The following MYO5B variants were observed in gnomAD, a reference collection of about 807,000 sequenced individuals.
MYO5B encodes myosin VB.
MYO5B carries 143 observed loss-of-function variants against 229.3 expected under a neutral mutation model. The ratio of observed to expected loss-of-function variants is 0.62; its 90% CI spans 0.54 to 0.72. MYO5B has a LOEUF of 0.72. Among genes scored for constraint, MYO5B ranks in the 30% least tolerant of loss-of-function variants. The pLI, the probability that MYO5B is intolerant of heterozygous loss-of-function variation, is 0.00. For synonymous variants in MYO5B, 918 were observed against 885.2 expected (o/e 1.04, Z -0.66); for missense variants, 2,321 against 2,331.0 (o/e 1.00, Z 0.09).
At chr18:49,833,660 G>T (rs577982514) in intron 39 of MYO5B, among the ~76,000 whole-genome samples, 1 of 152,180 alleles carries the variant, frequency 6.6e-6, no homozygotes, top group South Asian at 2.1e-4. Flanking sequence ...AGCAGTTATA[G>T]TTCTCCCTCT....
intron 2 of MYO5B, 38 bp downstream of exon 2, chr18:50,055,230 A>ACCCCCCC: frequency 1.2e-5 from 3 of 258,416 alleles, no homozygotes; most frequent in Non-Finnish European, 2.3e-5. Context: ...TCCCTGCCCC[A>ACCCCCCC]CCTCACCCCC....
At chr18:49,955,089 T>C (rs1474553931) in intron 12 of MYO5B, among the ~76,000 whole-genome samples, 5 of 152,198 alleles carry the variant, frequency 3.3e-5, no homozygotes, top group African/African-American at 7.2e-5. Flanking sequence ...TTACGTTGCT[T>C]ATGTGTCCCT....
chr18:50,169,846 G>A lies in MYO5B; in HGVS notation c.27+24921C>T, dbSNP rs2144331923. The stretch of plus-strand genomic sequence containing the variant: ...CACCTTTCCACTTGCTTTCCACCTA[G>A]AATACAGATGTGAGGATCAAGTCCC... On this transcript the variant is annotated intron_variant, in intron 1 of 39. Coordinates refer to ENST00000285039, the MANE Select transcript of MYO5B (RefSeq NM_001080467.3). Among the ~76,000 whole-genome samples the A allele has an allele frequency of 1.6e-5, 2 of 126,952 alleles. 1 individual carries two copies. The highest frequency in any genetic ancestry group is 3.4e-5 in the Non-Finnish European group (2 of 59,596). 83.3% of individuals were successfully genotyped at this position (126,952 alleles called of 152,430 possible). A position where few individuals can be genotyped will look rare whatever the true frequency, so the allele number is the denominator to read the frequency against.
intron 1 of MYO5B, among the ~76,000 whole-genome samples, chr18:50,186,770 C>T (rs187730409): frequency 1.9e-4 from 29 of 152,250 alleles, no homozygotes; most frequent in Non-Finnish European, 3.7e-4. Context: ...CAGGTACCAC[C>T]CCAATTCTTC....
intron 14 of MYO5B, among the ~76,000 whole-genome samples, chr18:49,943,711 G>A (rs1169271267): frequency 6.6e-6 from 1 of 152,196 alleles, no homozygotes; most frequent in East Asian, 1.9e-4. Context: ...TGTTATAGAA[G>A]AAGCCTAGCC....
intron 5 of MYO5B, among the ~76,000 whole-genome samples, chr18:49,994,033 C>A (rs1304715570): frequency 6.6e-6 from 1 of 152,154 alleles, no homozygotes; most frequent in Non-Finnish European, 1.5e-5. Context: ...CCAAGCTTCC[C>A]ATAGGCAGTT....
intron 1 of MYO5B, among the ~76,000 whole-genome samples, chr18:50,091,089 GGCCCCACCTGAAGACAGGGAAGGGCAACA>G (rs1270453402): frequency 6.6e-6 from 1 of 152,182 alleles, no homozygotes; most frequent in Non-Finnish European, 1.5e-5. Flanking sequence ...AGTTAGTGGA[GGCCCCACCTGAAGACAGGGAAGGGCAACA>G]GCCCCACCTG....
intron 1 of MYO5B, among the ~76,000 whole-genome samples, chr18:50,105,621 T>C (rs779902717): frequency 3.3e-5 from 5 of 151,866 alleles, no homozygotes; most frequent in Admixed American, 6.5e-5. Context: ...TTACTATGTT[T>C]GCAGGGTGCA....
At chr18:50,068,737 C>A (rs1049362811) in intron 1 of MYO5B, among the ~76,000 whole-genome samples, 12 of 152,136 alleles carry the variant, frequency 7.9e-5, no homozygotes, top group African/African-American at 1.9e-4. Flanking sequence ...GGCACACAGA[C>A]CTCCCTCAGC....
Position 49,826,181 on chromosome 18 carries a change from C to A in MYO5B, c.*290G>T. On this transcript the variant is annotated 3_prime_UTR_variant, in exon 40 of 40. Transcript: ENST00000285039. ...CAGCTTCGTTTTATAGAATTGACAC[C>A]TTTTATATGTCTATGGGGACTGCTT... 2.5e-6 allele frequency: 1 copy of A among 397,296 alleles called. No individual in the cohort carries two copies. The highest frequency in any genetic ancestry group is 2.4e-5 in the South Asian group (1 of 41,432). 24.6% of individuals were successfully genotyped at this position (397,296 alleles called of 1,614,324 possible). A position where few individuals can be genotyped will look rare whatever the true frequency, so the allele number is the denominator to read the frequency against.
rs189137740 is a variant in MYO5B at position 50,012,263 on chromosome 18, G to A, written c.456-10852C>T. Among the ~76,000 whole-genome samples the A allele has an allele frequency of 2.0e-4, 30 of 152,296 alleles. 1 individual carries two copies. The East Asian group carries it at 5.8e-3, about 29-fold the overall frequency. Reference sequence around the variant, plus strand: ...AAGAAATGGGTCACTACATAAACATGTTCAGGAACTGGCAGCAATTCAAAT... The same window carrying A: ...AAGAAATGGGTCACTACATAAACATATTCAGGAACTGGCAGCAATTCAAAT... On this transcript the variant is annotated intron_variant, in intron 4 of 39. Transcript: ENST00000285039.
chr18:50,091,097 C>T (rs1386034922), intron 1 of MYO5B, among the ~76,000 whole-genome samples: 1 of 152,172 alleles, frequency 6.6e-6, no homozygotes, highest in Non-Finnish European at 1.5e-5. Context: ...GAGGCCCCAC[C>T]TGAAGACAGG....
At chr18:49,983,179 CTGTAAA>C (rs2025834670) in intron 8 of MYO5B, among the ~76,000 whole-genome samples, 2 of 152,196 alleles carry the variant, frequency 1.3e-5, no homozygotes, top group African/African-American at 4.8e-5. Context: ...AAGCTGGGCC[CTGTAAA>C]CATTTCTCCT....
chr18:49,890,110 G>A (rs1810282069), intron 22 of MYO5B, among the ~76,000 whole-genome samples: 1 of 152,166 alleles, frequency 6.6e-6, no homozygotes, highest in African/African-American at 2.4e-5. Context: ...CACACCCCAG[G>A]TGGGTGAGAG....
intron 17 of MYO5B, among the ~76,000 whole-genome samples, chr18:49,924,963 C>T (rs1186891500): frequency 1.3e-5 from 2 of 152,112 alleles, no homozygotes; most frequent in African/African-American, 2.4e-5. Context: ...TGGTCACAAC[C>T]GTAAAACAAA....
At chr18:50,057,078 G>C (rs577205357) in intron 1 of MYO5B, among the ~76,000 whole-genome samples, 1 of 152,208 alleles carries the variant, frequency 6.6e-6, no homozygotes, top group South Asian at 2.1e-4. Context: ...GAGAGCTCCA[G>C]AGTAAAATAT....
At chr18:49,927,449 A>C (rs1301049154) in intron 17 of MYO5B, among the ~76,000 whole-genome samples, 10 of 150,766 alleles carry the variant, frequency 6.6e-5, no homozygotes, top group Non-Finnish European at 1.5e-4. Flanking sequence ...ACAAAACAAA[A>C]CAAAACAAAA....
chr18:49,965,995 C>A (rs551948164), intron 10 of MYO5B, among the ~76,000 whole-genome samples: 1 of 152,196 alleles, frequency 6.6e-6, no homozygotes, highest in African/African-American at 2.4e-5. Flanking sequence ...AAGTGTCATG[C>A]AAGCCCTTCC....
At chr18:49,914,122 A>G (rs1049904626) in intron 17 of MYO5B, among the ~76,000 whole-genome samples, 1 of 152,186 alleles carries the variant, frequency 6.6e-6, no homozygotes, top group African/African-American at 2.4e-5. Context: ...GAGCTGGTTA[A>G]CACTTAAGCC....
Sources: gnomAD v4.1 joint callset for allele counts (sites outside exome capture counted in the v4.1 genomes callset) on GRCh38, gnomAD v4.1.1 for gene constraint, MANE v1.5 for transcripts, NCBI Gene and HGNC (gene_info 2026-07-23, HGNC 2026-07-21) for gene names.